PCDHA7: variants seen among roughly 807,000 people sequenced by gnomAD.
PCDHA7 encodes the protein protocadherin alpha-7.
A neutral mutation model predicts 57.2 loss-of-function variants in PCDHA7; 37 were observed. That is an observed-to-expected ratio of 0.65 (90% CI 0.50 to 0.85). The LOEUF (loss-of-function observed/expected upper bound fraction) is 0.85. Ranked by LOEUF, PCDHA7 falls within the 40% of genes least tolerant of loss-of-function variation. The probability of loss-of-function intolerance (pLI) is 0.00; values close to 1 mark genes in which losing one functional copy is unlikely to be tolerated. For missense variants in PCDHA7, 1,188 were observed against 1,241.8 expected (o/e 0.96, Z 0.65); for synonymous variants, 553 against 558.8 (o/e 0.99, Z 0.15).
chr5:140,926,972 C>T (rs782504064), intron 1 of PCDHA7: 1 of 1,609,464 alleles, frequency 6.2e-7, no homozygotes. Context: ...TACTCAGTGC[C>T]GGAGGAGACG....
At chr5:140,943,516 A>T (rs1202948180) in intron 1 of PCDHA7, among the ~76,000 whole-genome samples, 1 of 152,176 alleles carries the variant, frequency 6.6e-6, no homozygotes, top group Admixed American at 6.5e-5. Context: ...GGAAATGTTG[A>T]GTTCAGTATG....
chr5:140,987,263 G>C (rs1034230893), intron 3 of PCDHA7, among the ~76,000 whole-genome samples: 14 of 151,908 alleles, frequency 9.2e-5, no homozygotes, highest in Non-Finnish European at 1.8e-4. Context: ...CTCAGGAATG[G>C]GACCCGGCAG....
rs187345731 is a variant in PCDHA7, at chr5:140,885,533, C to T, written c.2355+48795C>T. Among the ~76,000 whole-genome samples, 472 of 152,120 alleles carry T rather than the reference C, an allele frequency of 3.1e-3. 3 individuals carry two copies. Among genetic ancestry groups the T allele is most frequent in the Middle Eastern group, 0.014 (4 of 294 alleles). On this transcript the variant is annotated intron_variant, in intron 1 of 3. Coordinates refer to ENST00000525929, the MANE Select transcript of PCDHA7 (RefSeq NM_018910.3). Reference sequence around the variant, plus strand: ...CTGTGCTATCATTTCATATATTTCCCAAAATATTGGTGTTATTTCTACGAA... The same window carrying T: ...CTGTGCTATCATTTCATATATTTCCTAAAATATTGGTGTTATTTCTACGAA...
intron 1 of PCDHA7, among the ~76,000 whole-genome samples, chr5:140,914,475 T>A (rs1473439533): frequency 6.6e-6 from 1 of 152,204 alleles, no homozygotes; most frequent in Non-Finnish European, 1.5e-5. Context: ...TCTTCATAGG[T>A]GAAGTGTTTC....
At chr5:140,984,441 T>A (rs1554246265) in intron 3 of PCDHA7, among the ~76,000 whole-genome samples, 3 of 152,200 alleles carry the variant, frequency 2.0e-5, no homozygotes, top group Admixed American at 6.5e-5. Context: ...TCTCCCTTGT[T>A]CCCTTTCTTA....
intron 1 of PCDHA7, chr5:140,869,884 G>C: frequency 1.9e-6 from 3 of 1,610,396 alleles, no homozygotes; most frequent in Non-Finnish European, 2.5e-6. Context: ...AGAAACTCTT[G>C]TGCTCAAACT....
At chr5:140,984,533 T>C (rs1477702565) in intron 3 of PCDHA7, among the ~76,000 whole-genome samples, 1 of 152,216 alleles carries the variant, frequency 6.6e-6, no homozygotes, top group African/African-American at 2.4e-5. Context: ...CTTCATGGAC[T>C]GTGCTGGATA....
At chr5:140,902,920 C>T (rs1186097921) in intron 1 of PCDHA7, among the ~76,000 whole-genome samples, 1 of 152,304 alleles carries the variant, frequency 6.6e-6, no homozygotes, top group Non-Finnish European at 1.5e-5. Context: ...AGTAGTATTG[C>T]ATGGTGTATA....
chr5:140,863,075 CG>C (rs2047768391), intron 1 of PCDHA7: 1 of 569,530 alleles, frequency 1.8e-6, no homozygotes, highest in South Asian at 1.4e-5. Context: ...GGGCTCTGCA[CG>C]GGCGAGATCA....
chr5:140,998,524 T>A (rs553357630), intron 3 of PCDHA7, among the ~76,000 whole-genome samples: 1 of 152,328 alleles, frequency 6.6e-6, no homozygotes, highest in East Asian at 1.9e-4. Flanking sequence ...TTATTCATAT[T>A]TATATCCCTA....
At chr5:140,994,631 G>A (rs978359081) in intron 3 of PCDHA7, among the ~76,000 whole-genome samples, 1 of 152,106 alleles carries the variant, frequency 6.6e-6, no homozygotes, top group Non-Finnish European at 1.5e-5. Flanking sequence ...CTTGAACCTG[G>A]AAGGTGGAGG....
chr5:140,848,313 C>G lies in PCDHA7; in HGVS notation c.2355+11575C>G, dbSNP rs1781433977. ...TGGGCCACGTGATGTCACTCTTTGCCGCGATGTTCTCTCTGAATCCAGACA... is the reference window on the plus strand; with the variant it reads ...TGGGCCACGTGATGTCACTCTTTGCGGCGATGTTCTCTCTGAATCCAGACA... On this transcript the variant is annotated intron_variant, in intron 1 of 3. Transcript: ENST00000525929. 8 of 730,624 alleles carry G rather than the reference C, an allele frequency of 1.1e-5. 1 individual carries two copies. Among genetic ancestry groups the G allele is most frequent in the Non-Finnish European group, 1.8e-5 (8 of 440,500 alleles). The allele number at this position is 730,624 out of a possible 1,614,324, so 45.3% of individuals were successfully genotyped here.
At position 140,850,002 on chromosome 5, in the gene PCDHA7, T is replaced by G. The variant is rs2150462762; in HGVS notation, c.2355+13264T>G. The G allele has an allele frequency of 2.8e-5, 45 of 1,596,824 alleles. No homozygotes were observed. In the South Asian group the frequency reaches 3.6e-4, roughly 13 times the overall value. The stretch of plus-strand genomic sequence containing the variant: ...GGTGGAGCGGCGGTTGGGCGAGCGC[T>G]CGCTGTCGAGCTACGTGTCAGTGCA... On this transcript the variant is annotated intron_variant, in intron 1 of 3. Coordinates refer to ENST00000525929, the MANE Select transcript of PCDHA7 (RefSeq NM_018910.3).
intron 1 of PCDHA7, chr5:140,854,477 T>C (rs1479298342): frequency 1.3e-5 from 2 of 149,980 alleles, no homozygotes; most frequent in African/African-American, 2.4e-5. Flanking sequence ...TAGAGAAGTA[T>C]AGAAACAGAA....
At chr5:140,943,257 CAA>C (rs1238620023) in intron 1 of PCDHA7, among the ~76,000 whole-genome samples, 5 of 77,564 alleles carry the variant, frequency 6.4e-5, no homozygotes, top group Non-Finnish European at 2.5e-5. Flanking sequence ...GACTCTGTCT[CAA>C]AAAAAAAAAA....
Position 140,836,236 on chromosome 5 carries a change from C to T in PCDHA7, c.1853C>T (p.Ala618Val), listed in dbSNP as rs2150256110. The T allele has an allele frequency of 6.2e-7, 1 of 1,613,794 alleles. No homozygotes were observed. Among genetic ancestry groups the T allele is most frequent in the East Asian group, 2.2e-5 (1 of 44,846 alleles). The change falls in exon 1 of 4, where the codon GCG becomes GTG. Residue 618 changes from alanine to valine, a missense_variant. Ala to Val is a moderately conservative substitution (Grantham distance 64). Transcript: ENST00000525929. Reference protein sequence around the residue: ...SYELQPVAAGASIPFRVGLYT... With the variant: ...SYELQPVAAGVSIPFRVGLYT... The stretch of plus-strand genomic sequence containing the variant: ...GAGTTGCAACCGGTGGCGGCCGGTG[C>T]GAGCATCCCGTTCCGCGTGGGGCTG...
chr5:140,918,425 T>A (rs1402096329), intron 1 of PCDHA7, among the ~76,000 whole-genome samples: 1 of 152,200 alleles, frequency 6.6e-6, no homozygotes, highest in Non-Finnish European at 1.5e-5. Flanking sequence ...TCCAGTAGGA[T>A]GTTGAATAGG....
chr5:140,903,818 T>A (rs1554191152), intron 1 of PCDHA7, among the ~76,000 whole-genome samples: 1 of 152,202 alleles, frequency 6.6e-6, no homozygotes. Context: ...AGTTCTCACA[T>A]GAATGTCTGT....
chr5:140,968,996 G>A, intron 1 of PCDHA7: 1 of 1,614,202 alleles, frequency 6.2e-7, no homozygotes, highest in Non-Finnish European at 8.5e-7. Flanking sequence ...ATGCTGTGGA[G>A]GCTTCTGTGG....
Sources: allele counts gnomAD v4.1 joint callset (sites outside exome capture counted in the v4.1 genomes callset), GRCh38; gene constraint gnomAD v4.1.1; transcripts MANE v1.5; gene names NCBI Gene and HGNC (gene_info 2026-07-23, HGNC 2026-07-21).